SYCP1: variants seen among roughly 807,000 people sequenced by gnomAD.
SYCP1 encodes cancer/testis antigen 8.
Under a neutral mutation model 153.1 loss-of-function variants are expected in SYCP1, and 64 were observed. The observed-to-expected ratio is 0.42, with a 90% CI of 0.34 to 0.51. The LOEUF is 0.51. Ranked by LOEUF, SYCP1 falls within the 20% of genes least tolerant of loss-of-function variation. The pLI is 0.06. For synonymous variants in SYCP1, 384 were observed against 341.8 expected, an observed-to-expected ratio of 1.12 and a Z score of -1.36; for missense variants, 997 against 1,049.0, an observed-to-expected ratio of 0.95 and a Z score of 0.68.
chr1:114,870,389 T>C (rs990477116), intron 8 of SYCP1, among the ~76,000 whole-genome samples: 3 of 152,220 alleles, frequency 2.0e-5, no homozygotes, highest in African/African-American at 7.2e-5. Flanking sequence ...CTGAAATTAA[T>C]ATAGCTACTC....
At chr1:114,988,642 G>A (rs1450888105) in intron 30 of SYCP1, among the ~76,000 whole-genome samples, 1 of 151,920 alleles carries the variant, frequency 6.6e-6, no homozygotes, top group East Asian at 1.9e-4. Context: ...CACTAAACCT[G>A]CTCTTCAAAA....
rs12080276 is a variant in SYCP1 at position 114,888,666 on chromosome 1, A to C, written c.1258+973A>C. The stretch of plus-strand genomic sequence containing the variant: ...TTTTTTATTCTTCCTTCGAGCATAA[A>C]ATAGTGTTTTAAATCATTATATATA... On this transcript the variant is annotated intron_variant, in intron 15 of 31. Coordinates refer to ENST00000369522, the MANE Select transcript of SYCP1 (RefSeq NM_003176.4). Among the ~76,000 whole-genome samples, 743 of 152,198 alleles carry C rather than the reference A, an allele frequency of 4.9e-3. 8 individuals carry two copies. The highest frequency in any genetic ancestry group is 0.017 in the African/African-American group (695 of 41,528).
At chr1:114,977,778 T>G (rs1038914013) in intron 28 of SYCP1, 162 bp downstream of exon 28, 3 of 469,998 alleles carry the variant, frequency 6.4e-6, no homozygotes, top group Non-Finnish European at 1.1e-5. Context: ...AAAAGCATTT[T>G]AGCTAAAAAT....
Position 114,857,290 on chromosome 1 carries a change from G to A in SYCP1, c.237+15G>A. On this transcript the variant is annotated intron_variant, in intron 4 of 31. Transcript: ENST00000369522. ...TGCTTGAGCAGGTCAGTTAAGCATAGTACATGTAGATATAATCTGTTTAGG... is the reference window on the plus strand; with the variant it reads ...TGCTTGAGCAGGTCAGTTAAGCATAATACATGTAGATATAATCTGTTTAGG... 6.3e-7 allele frequency: 1 copy of A among 1,599,564 alleles called. No individual in the cohort carries two copies. Among genetic ancestry groups the A allele is most frequent in the Middle Eastern group, 1.7e-4 (1 of 5,910 alleles).
At chr1:114,985,569 T>G (rs1237954555) in intron 30 of SYCP1, among the ~76,000 whole-genome samples, 2 of 151,966 alleles carry the variant, frequency 1.3e-5, no homozygotes, top group Non-Finnish European at 2.9e-5. Context: ...ATTCATTTGT[T>G]TTATTATTCC....
chr1:114,939,502 A>G (rs906757463), intron 23 of SYCP1, among the ~76,000 whole-genome samples: 20 of 152,206 alleles, frequency 1.3e-4, no homozygotes, highest in Admixed American at 4.6e-4. Context: ...ACATGGATGA[A>G]TCTTGTAATA....
chr1:114,929,710 A>G (rs557274496), intron 23 of SYCP1, among the ~76,000 whole-genome samples: 1 of 152,180 alleles, frequency 6.6e-6, no homozygotes, highest in South Asian at 2.1e-4. Context: ...ATAAAGCTTC[A>G]AAATAAATGA....
rs992911064 is a variant in SYCP1, at chr1:114,942,893, T to C, written c.1927-1446T>C. Among the ~76,000 whole-genome samples, 3 of 151,988 alleles carry C rather than the reference T, an allele frequency of 2.0e-5. No homozygotes were observed. The South Asian group carries it at 6.2e-4, about 31-fold the overall frequency. Reference sequence around the variant, plus strand: ...AACAAACCTCAAAATTGGAGAAATATCCCAACTTTACATATATAAAGAACA... The same window carrying C: ...AACAAACCTCAAAATTGGAGAAATACCCCAACTTTACATATATAAAGAACA... On this transcript the variant is annotated intron_variant, in intron 23 of 31. Transcript: ENST00000369522.
At position 114,951,777 on chromosome 1, in the gene SYCP1, A is replaced by G. The variant is rs111467089; in HGVS notation, c.2322+4457A>G. Among the ~76,000 whole-genome samples, 856 of 152,224 alleles carry G rather than the reference A, an allele frequency of 5.6e-3. 5 individuals are homozygous for G. Among genetic ancestry groups the G allele is most frequent in the Non-Finnish European group, 0.01 (696 of 68,002 alleles). On this transcript the variant is annotated intron_variant, in intron 27 of 31. Coordinates refer to ENST00000369522, the MANE Select transcript of SYCP1 (RefSeq NM_003176.4). ...TTCCATCTCCATAAAGATTCCTCAT[A>G]TTGCCCTTTTATAGCCACATCCACC...
At chr1:114,964,241 T>A (rs991041498) in intron 27 of SYCP1, among the ~76,000 whole-genome samples, 9 of 152,222 alleles carry the variant, frequency 5.9e-5, no homozygotes, top group African/African-American at 2.2e-4. Flanking sequence ...TCTTGTAAAT[T>A]TGTTTAAGTT....
chr1:114,855,664 T>C, intron 2 of SYCP1, 92 bp downstream of exon 2: 1 of 1,025,838 alleles, frequency 9.7e-7, no homozygotes, highest in Non-Finnish European at 1.4e-6. Context: ...TTTATAATTA[T>C]TTCTTCTCAA....
At chr1:114,866,490 T>A (rs1664752824) in intron 8 of SYCP1, among the ~76,000 whole-genome samples, 1 of 152,158 alleles carries the variant, frequency 6.6e-6, no homozygotes, top group South Asian at 2.1e-4. Flanking sequence ...TTTGGTAAGG[T>A]GTCTGTTAAG....
chr1:114,964,360 A>G (rs1671972271), intron 27 of SYCP1, among the ~76,000 whole-genome samples: 1 of 152,222 alleles, frequency 6.6e-6, no homozygotes, highest in African/African-American at 2.4e-5. Flanking sequence ...TTGGCTGTGC[A>G]GAAGCTCTTT....
At chr1:114,914,383 A>G (rs1314630618) in intron 20 of SYCP1, among the ~76,000 whole-genome samples, 1 of 151,978 alleles carries the variant, frequency 6.6e-6, no homozygotes, top group Non-Finnish European at 1.5e-5. Flanking sequence ...TTATAATACT[A>G]GAGTATTTAT....
At chr1:114,953,884 C>A (rs1180135908) in intron 27 of SYCP1, among the ~76,000 whole-genome samples, 1 of 152,060 alleles carries the variant, frequency 6.6e-6, no homozygotes, top group Non-Finnish European at 1.5e-5. Flanking sequence ...GGAAAATTGA[C>A]ATCTTTACTT....
At chr1:114,861,392 A>C (rs919646953) in intron 8 of SYCP1, among the ~76,000 whole-genome samples, 24 of 152,154 alleles carry the variant, frequency 1.6e-4, no homozygotes, top group African/African-American at 5.6e-4. Context: ...ATAAAATATA[A>C]TTCTTTATTT....
rs767371033 is a variant in SYCP1 at position 114,858,620 on chromosome 1, G to T, written c.365G>T (p.Ser122Ile). The part of the protein sequence containing the change: ...EAEKIKKWKV[S>I]TEAELRQKES... The stretch of plus-strand genomic sequence containing the variant: ...GAAAAGATAAAAAAATGGAAAGTAA[G>T]TACAGAAGCTGAACTGAGACAGAAA... Residue 122 changes from serine to isoleucine, a missense_variant, in exon 6 of 32, where the codon AGT becomes ATT. Physicochemically the swap from Ser to Ile is moderately radical, Grantham distance 142 (BLOSUM62 -2). This residue lies in a region of SYCP1 where 285 missense variants were observed against 366.1 expected (regional missense o/e 0.78). Coordinates refer to ENST00000369522, the MANE Select transcript of SYCP1 (RefSeq NM_003176.4). 1.9e-6 allele frequency: 3 copies of T among 1,613,108 alleles called. No individual in the cohort carries two copies. Among genetic ancestry groups the T allele is most frequent in the Non-Finnish European group, 2.5e-6 (3 of 1,179,416 alleles).
chr1:114,879,591 T>C (rs1234253999), intron 12 of SYCP1, among the ~76,000 whole-genome samples: 1 of 152,216 alleles, frequency 6.6e-6, no homozygotes, highest in East Asian at 1.9e-4. Flanking sequence ...TAAATATCTT[T>C]GTAACTGTAG....
intron 5 of SYCP1, 145 bp from the exon 6 acceptor site, chr1:114,858,402 A>T: frequency 1.9e-6 from 1 of 538,106 alleles, no homozygotes; most frequent in Non-Finnish European, 3.1e-6. Context: ...TAAAAGAGTT[A>T]ATGTGGCTTT....
Sources: allele counts gnomAD v4.1 joint callset (sites outside exome capture counted in the v4.1 genomes callset), GRCh38; gene constraint gnomAD v4.1.1; regional missense constraint gnomAD v4.1.1; transcripts MANE v1.5; gene names NCBI Gene and HGNC (gene_info 2026-07-23, HGNC 2026-07-21).